GSG1L: variants seen among roughly 807,000 people sequenced by gnomAD.
The protein encoded by GSG1L is GSG1 like, also known as germ cell-specific gene 1-like protein.
Under a neutral mutation model 42.1 loss-of-function variants are expected in GSG1L, and 24 were observed. That is an observed-to-expected ratio of 0.57 (90% CI 0.41 to 0.80). The LOEUF is 0.80. Among genes scored for constraint, GSG1L ranks in the 30% least tolerant of loss-of-function variants. The pLI is 0.00. For missense variants in GSG1L, 445 were observed against 472.2 expected, an observed-to-expected ratio of 0.94 and a Z score of 0.53; for synonymous variants, 215 against 203.5, an observed-to-expected ratio of 1.06 and a Z score of -0.48.
intron 2 of GSG1L, among the ~76,000 whole-genome samples, chr16:27,899,778 G>C (rs944398203): frequency 5.9e-5 from 9 of 152,218 alleles, no homozygotes; most frequent in Non-Finnish European, 1.3e-4. Flanking sequence ...GTTCACTCCC[G>C]ATAGACTTCA....
intron 1 of GSG1L, among the ~76,000 whole-genome samples, chr16:27,991,154 C>G (rs1596680665): frequency 6.6e-6 from 1 of 152,164 alleles, no homozygotes; most frequent in Admixed American, 6.5e-5. Flanking sequence ...CTATAACACA[C>G]CTGTTATTAG....
intron 1 of GSG1L, among the ~76,000 whole-genome samples, chr16:27,977,582 A>G (rs2085265875): frequency 6.6e-6 from 1 of 151,696 alleles, no homozygotes; most frequent in African/African-American, 2.4e-5. Context: ...AAAAAAAAAA[A>G]AAAAGGGCAA....
rs2086370971 is a variant in GSG1L, at chr16:28,063,510, T to C, written c.-86A>G. On this transcript the variant is annotated 5_prime_UTR_variant, in exon 1 of 7. Transcript: ENST00000447459. The surrounding 1 kb of genome is among the most constrained non-coding windows in gnomAD (Gnocchi z 5.8). ...GCTGGCGCCCCGCGTCAGCGGCCGC[T>C]GCCCGCCGCGCCCCGGGGCTCGGGT... is the stretch of plus-strand genomic sequence containing the variant. The C allele has an allele frequency of 1.2e-6, 1 of 850,956 alleles. No individual in the cohort carries two copies. The highest frequency in any genetic ancestry group is 1.8e-5 in the African/African-American group (1 of 54,152). 52.7% of individuals were successfully genotyped at this position (850,956 alleles called of 1,614,324 possible).
intron 1 of GSG1L, among the ~76,000 whole-genome samples, chr16:27,997,463 G>A (rs529366562): frequency 3.3e-4 from 50 of 151,512 alleles, no homozygotes; most frequent in African/African-American, 1.2e-3. Flanking sequence ...GGGATTACAT[G>A]TGCCCACCAT....
At chr16:27,936,118 C>T (rs1353127825) in intron 2 of GSG1L, among the ~76,000 whole-genome samples, 2 of 151,770 alleles carry the variant, frequency 1.3e-5, no homozygotes, top group Non-Finnish European at 2.9e-5. Context: ...ATGCCCAGGT[C>T]AATCACAGTC....
rs768837828 is a variant in GSG1L at position 27,979,733 on chromosome 16, A to AGG, written c.350-16531_350-16530insCC. Reference sequence around the variant, plus strand: ...AAGGAAGGAAGGAAGGAAGGAAAGAAAAAGAAAGAAAGAAAGGAAAGAAAG... The same window carrying AGG: ...AAGGAAGGAAGGAAGGAAGGAAAGAAGGAAAGAAAGAAAGAAAGGAAAGAAAG... On this transcript the variant is annotated intron_variant, in intron 1 of 6. Coordinates refer to ENST00000447459, the MANE Select transcript of GSG1L (RefSeq NM_001109763.2). Among the ~76,000 whole-genome samples the AGG allele has an allele frequency of 7.7e-4, 50 of 65,294 alleles. 2 individuals are homozygous for AGG. Among genetic ancestry groups the AGG allele is most frequent in the African/African-American group, 2.3e-3 (40 of 17,534 alleles). The allele number at this position is 65,294 out of a possible 152,430, so 42.8% of individuals were successfully genotyped here. A position where few individuals can be genotyped will look rare whatever the true frequency, so the allele number is the denominator to read the frequency against.
chr16:27,935,017 G>A (rs1020025546), intron 2 of GSG1L, among the ~76,000 whole-genome samples: 1 of 152,216 alleles, frequency 6.6e-6, no homozygotes, highest in Non-Finnish European at 1.5e-5. Flanking sequence ...ACATGTGAAC[G>A]CATAAAACGA....
intron 3 of GSG1L, among the ~76,000 whole-genome samples, chr16:27,860,436 T>C (rs1237796432): frequency 6.6e-6 from 1 of 152,194 alleles, no homozygotes; most frequent in Non-Finnish European, 1.5e-5. Context: ...CAATATCACA[T>C]GGGCAGTAAC....
intron 1 of GSG1L, among the ~76,000 whole-genome samples, chr16:27,977,525 A>T (rs1417268105): frequency 1.5e-5 from 2 of 131,494 alleles, no homozygotes; most frequent in African/African-American, 5.9e-5. Context: ...GTGCCACTGC[A>T]CTCCAGCCTG....
At chr16:27,919,682 A>C (rs986475618) in intron 2 of GSG1L, among the ~76,000 whole-genome samples, 1 of 152,210 alleles carries the variant, frequency 6.6e-6, no homozygotes, top group African/African-American at 2.4e-5. Context: ...AGATAGAGCC[A>C]GCCTCACCCT....
rs2082737691 is a variant in GSG1L at position 27,790,346 on chromosome 16, G to T, written c.*1024C>A. 1 of 152,180 alleles carries T rather than the reference G, an allele frequency of 6.6e-6. No individual in the cohort carries two copies. Among genetic ancestry groups the T allele is most frequent in the African/African-American group, 2.4e-5 (1 of 41,442 alleles). 9.4% of individuals were successfully genotyped at this position (152,180 alleles called of 1,614,324 possible). On this transcript the variant is annotated 3_prime_UTR_variant, in exon 7 of 7. Coordinates refer to ENST00000447459, the MANE Select transcript of GSG1L (RefSeq NM_001109763.2). ...AGAAATTCTTCTGGGAAGGAATAAG[G>T]CCTCTTGGGAAATGACTGAACTTGG... is the stretch of plus-strand genomic sequence containing the variant.
intron 4 of GSG1L, among the ~76,000 whole-genome samples, chr16:27,840,973 C>T (rs1268862151): frequency 6.6e-6 from 1 of 152,206 alleles, no homozygotes; most frequent in Non-Finnish European, 1.5e-5. Flanking sequence ...CCAGCAAGCA[C>T]CACCCAGATG....
At chr16:27,951,441 C>T (rs924958541) in intron 2 of GSG1L, among the ~76,000 whole-genome samples, 1 of 152,242 alleles carries the variant, frequency 6.6e-6, no homozygotes, top group Middle Eastern at 3.4e-3. Context: ...GGCCCTGGAC[C>T]ACCAGGAGGT....
rs56191805 is a variant in GSG1L at position 28,011,686 on chromosome 16, C to T, written c.350-48483G>A. Among the ~76,000 whole-genome samples the T allele has an allele frequency of 8.2e-3, 1,243 of 152,246 alleles. 17 individuals are homozygous for T. Among genetic ancestry groups the T allele is most frequent in the African/African-American group, 0.028 (1,181 of 41,528 alleles). On this transcript the variant is annotated intron_variant, in intron 1 of 6. Coordinates refer to ENST00000447459, the MANE Select transcript of GSG1L (RefSeq NM_001109763.2). The stretch of plus-strand genomic sequence containing the variant: ...CCTCCTTCTGTGCCTTCACGGCCAT[C>T]GAGGACCATGTGGACCAGGGCAGTG...
At chr16:27,899,452 C>G (rs573155957) in intron 2 of GSG1L, among the ~76,000 whole-genome samples, 3 of 152,272 alleles carry the variant, frequency 2.0e-5, no homozygotes, top group East Asian at 3.9e-4. Flanking sequence ...CACAGTGGCT[C>G]GTGCCTGTAA....
At chr16:28,001,663 A>T (rs1276942821) in intron 1 of GSG1L, among the ~76,000 whole-genome samples, 1 of 152,220 alleles carries the variant, frequency 6.6e-6, no homozygotes, top group East Asian at 1.9e-4. Flanking sequence ...TGTGAATCAT[A>T]GTCCCTTACT....
chr16:27,989,428 T>G (rs2085429012), intron 1 of GSG1L, among the ~76,000 whole-genome samples: 1 of 152,106 alleles, frequency 6.6e-6, no homozygotes, highest in Non-Finnish European at 1.5e-5. Flanking sequence ...AGAGATATAC[T>G]AGGCTTATTT....
chr16:28,040,272 C>T lies in GSG1L; in HGVS notation c.349+22804G>A, dbSNP rs532501140. 6.6e-6 allele frequency among the ~76,000 whole-genome samples: 1 copy of T among 152,294 alleles called. No homozygotes were observed. Among genetic ancestry groups the T allele is most frequent in the Admixed American group, 6.5e-5 (1 of 15,304 alleles). On this transcript the variant is annotated intron_variant, in intron 1 of 6. Coordinates refer to ENST00000447459, the MANE Select transcript of GSG1L (RefSeq NM_001109763.2). This position sits in a 1 kb window ranked among gnomAD's most constrained non-coding sequence, Gnocchi z 4.1. ...ATTGCCTCCGTCTGAGGCTCTTTCT[C>T]CAGATCTCCACAGGGAGGCTCCTTT...
At chr16:27,891,710 C>T (rs550623668) in intron 2 of GSG1L, among the ~76,000 whole-genome samples, 16 of 151,848 alleles carry the variant, frequency 1.1e-4, no homozygotes, top group African/African-American at 1.5e-4. Flanking sequence ...TGGGCTCAAG[C>T]GATCCTCCTG....
Sources: allele counts gnomAD v4.1 joint callset (sites outside exome capture counted in the v4.1 genomes callset), GRCh38; gene constraint gnomAD v4.1.1; non-coding constraint Gnocchi (gnomAD v3.1); transcripts MANE v1.5; gene names NCBI Gene and HGNC (gene_info 2026-07-23, HGNC 2026-07-21).